Variants in UNC80 observed in about 807,000 individuals in gnomAD.
UNC80 encodes the protein protein unc-80 homolog.
Under a neutral mutation model 384.6 loss-of-function variants are expected in UNC80, and 164 were observed. That is an observed-to-expected ratio of 0.43 (90% CI 0.38 to 0.49). The LOEUF (loss-of-function observed/expected upper bound fraction) is 0.49, where lower values mean the gene tolerates loss of function less well. Among genes scored for constraint, UNC80 ranks in the 20% least tolerant of loss-of-function variants. UNC80 has a pLI of 0.00. For missense variants in UNC80, 3,330 were observed against 4,143.0 expected, an observed-to-expected ratio of 0.80 and a Z score of 5.39; for synonymous variants, 1,486 against 1,527.8, an observed-to-expected ratio of 0.97 and a Z score of 0.64.
intron 17 of UNC80, 37 bp from the exon 18 acceptor site, chr2:209,834,875 G>T: frequency 6.7e-7 from 1 of 1,493,354 alleles, no homozygotes; most frequent in African/African-American, 1.4e-5. Context: ...TTGCTATCCT[G>T]CTCTGCTGTA....
rs564236490 is a variant in UNC80, at chr2:209,985,113, C to T, written c.9314+201C>T. 2.0e-5 allele frequency among the ~76,000 whole-genome samples: 3 copies of T among 152,230 alleles called. No individual in the cohort carries two copies. In the East Asian group the frequency reaches 5.8e-4, roughly 29 times the overall value. ...CCCTCCTTCATTTTCAGCTTCAGAG[C>T]TCAATGTCAATCAAGTAAGCCTGAA... is the stretch of plus-strand genomic sequence containing the variant. On this transcript the variant is annotated intron_variant, in intron 61 of 64. Coordinates refer to ENST00000673920, the MANE Select transcript of UNC80 (RefSeq NM_001371986.1).
intron 62 of UNC80, among the ~76,000 whole-genome samples, 165 bp downstream of exon 62, chr2:209,992,412 C>T (rs2093408860): frequency 6.6e-6 from 1 of 152,152 alleles, no homozygotes. Context: ...GAGTTAGAGT[C>T]CAGCCTGGGC....
intron 29 of UNC80, among the ~76,000 whole-genome samples, chr2:209,908,632 A>C (rs1242900504): frequency 6.6e-6 from 1 of 152,250 alleles, no homozygotes; most frequent in East Asian, 1.9e-4. Context: ...TGCTCAAAAA[A>C]ATAAAGGACA....
At chr2:209,826,114 G>A (rs549063520) in intron 14 of UNC80, 61 bp downstream of exon 14, 6 of 1,463,746 alleles carry the variant, frequency 4.1e-6, no homozygotes, top group Non-Finnish European at 4.5e-6. Flanking sequence ...GTTTAAGAAT[G>A]AGTCCTTTGA....
At chr2:209,950,801 A>C (rs926687232) in intron 47 of UNC80, among the ~76,000 whole-genome samples, 1 of 150,134 alleles carries the variant, frequency 6.7e-6, no homozygotes, top group African/African-American at 2.5e-5. Flanking sequence ...CAGGTGATCC[A>C]CCCGTCTCAG....
intron 29 of UNC80, among the ~76,000 whole-genome samples, chr2:209,911,587 A>G (rs923312081): frequency 2.0e-5 from 3 of 152,208 alleles, no homozygotes; most frequent in Non-Finnish European, 2.9e-5. Context: ...TTTTCTTTCA[A>G]AATATCTTTA....
chr2:209,986,399 G>C (rs1304587156), intron 61 of UNC80, among the ~76,000 whole-genome samples: 1 of 152,130 alleles, frequency 6.6e-6, no homozygotes, highest in Non-Finnish European at 1.5e-5. Flanking sequence ...TTGTTTTTAT[G>C]AACTCTCCCA....
intron 15 of UNC80, among the ~76,000 whole-genome samples, chr2:209,830,983 C>T (rs1200897960): frequency 6.6e-6 from 1 of 152,156 alleles, no homozygotes; most frequent in Non-Finnish European, 1.5e-5. Flanking sequence ...CCTGGTTGGC[C>T]CCACCTTATT....
intron 47 of UNC80, among the ~76,000 whole-genome samples, chr2:209,948,067 A>G (rs1312387354): frequency 1.3e-5 from 2 of 152,048 alleles, no homozygotes; most frequent in Non-Finnish European, 2.9e-5. Context: ...CTATGTTACA[A>G]TTTATTTATT....
intron 18 of UNC80, among the ~76,000 whole-genome samples, chr2:209,837,182 TG>T (rs1278118793): frequency 2.2e-5 from 3 of 137,190 alleles, no homozygotes; most frequent in Non-Finnish European, 4.7e-5. Context: ...TATAAATATC[TG>T]TAGAAAATAA....
At chr2:209,871,811 T>C (rs1256994487) in intron 22 of UNC80, among the ~76,000 whole-genome samples, 1 of 151,910 alleles carries the variant, frequency 6.6e-6, no homozygotes, top group Non-Finnish European at 1.5e-5. Flanking sequence ...TTTCTTCTTT[T>C]TTCTTTTTTT....
intron 22 of UNC80, among the ~76,000 whole-genome samples, chr2:209,860,189 C>T (rs1366801492): frequency 5.9e-5 from 9 of 152,118 alleles, no homozygotes; most frequent in Non-Finnish European, 1.5e-5. Flanking sequence ...TTTAATCCAT[C>T]TCGAGTTAAT....
At chr2:209,812,335 C>T (rs1186048928) in intron 7 of UNC80, among the ~76,000 whole-genome samples, 1 of 151,872 alleles carries the variant, frequency 6.6e-6, no homozygotes, top group Non-Finnish European at 1.5e-5. Flanking sequence ...GCTGGGATTA[C>T]AGGCGTGAGC....
chr2:209,982,073 C>A, intron 59 of UNC80, 106 bp from the exon 60 acceptor site: 2 of 1,141,478 alleles, frequency 1.8e-6, no homozygotes, highest in Non-Finnish European at 1.2e-6. Context: ...TACACACAGC[C>A]CTAAGTTGTA....
chr2:209,867,703 C>A (rs10168599), intron 22 of UNC80, among the ~76,000 whole-genome samples: 203 of 152,156 alleles, frequency 1.3e-3, no homozygotes, highest in African/African-American at 4.7e-3. Context: ...GAAACCCATC[C>A]GGTCTCTCTA....
intron 42 of UNC80, among the ~76,000 whole-genome samples, chr2:209,938,305 C>T (rs1243184130): frequency 6.6e-6 from 1 of 152,140 alleles, no homozygotes; most frequent in East Asian, 1.9e-4. Context: ...TTTAATATTG[C>T]ATATTTATTA....
At chr2:209,849,396 G>A in intron 21 of UNC80, 55 bp from the exon 22 acceptor site, 2 of 1,537,468 alleles carry the variant, frequency 1.3e-6, no homozygotes, top group Non-Finnish European at 1.8e-6. Context: ...TTTTAAACCT[G>A]TGATCCTTTA....
Position 209,995,558 on chromosome 2 carries a change from G to A in UNC80, c.9938G>A (p.Gly3313Glu), listed in dbSNP as rs1227226371. ...SQFTFTPTEL[G>E]KTDAVLDESH... ...TTCACCTTTACTCCCACTGAGCTGGGGAAAACGGATGCAGTATTAGATGAG... is the reference window on the plus strand; with the variant it reads ...TTCACCTTTACTCCCACTGAGCTGGAGAAAACGGATGCAGTATTAGATGAG... The change falls in exon 65 of 65, where the codon GGG becomes GAG. Residue 3313 changes from glycine to glutamate, a missense_variant. By Grantham distance (98) the Gly-to-Glu change is moderately conservative (BLOSUM62 -2). This residue lies in a region of UNC80 where 236 missense variants were observed against 254.9 expected (regional missense o/e 0.93). Transcript: ENST00000673920. 1 of 1,552,026 alleles carries A rather than the reference G, an allele frequency of 6.4e-7. No homozygotes were observed. The highest frequency in any genetic ancestry group is 8.7e-7 in the Non-Finnish European group (1 of 1,147,078).
chr2:209,908,689 AG>A (rs1475328037), intron 29 of UNC80, among the ~76,000 whole-genome samples: 1 of 152,234 alleles, frequency 6.6e-6, no homozygotes, highest in Non-Finnish European at 1.5e-5. Context: ...AAATGTCAAG[AG>A]GTCAACTGAC....
Sources: allele counts gnomAD v4.1 joint callset (sites outside exome capture counted in the v4.1 genomes callset), GRCh38; gene constraint gnomAD v4.1.1; regional missense constraint gnomAD v4.1.1; transcripts MANE v1.5; gene names NCBI Gene and HGNC (gene_info 2026-07-23, HGNC 2026-07-21).